ENTREP2: variants seen among roughly 807,000 people sequenced by gnomAD.
The protein encoded by ENTREP2 is protein ENTREP2.
chr15:29,236,896 G>A, the ENTREP2 span, among the ~76,000 whole-genome samples: 1 of 151,740 alleles, frequency 6.6e-6, no homozygotes, highest in South Asian at 2.1e-4. Context: ...AGGAAGGAAG[G>A]AAGGAAAGAA....
At chr15:29,177,512 T>C in the ENTREP2 span, among the ~76,000 whole-genome samples, 1 of 152,180 alleles carries the variant, frequency 6.6e-6, no homozygotes, top group Non-Finnish European at 1.5e-5. Context: ...CCTCCTTGCT[T>C]CCTTTCCTTC....
chr15:29,500,803 G>GT, the ENTREP2 span, among the ~76,000 whole-genome samples: 1 of 151,950 alleles, frequency 6.6e-6, no homozygotes, highest in Non-Finnish European at 1.5e-5. Flanking sequence ...CAAAACCAAA[G>GT]TTGGTTCTTT....
chr15:29,281,772 C>T, the ENTREP2 span, among the ~76,000 whole-genome samples: 75 of 152,214 alleles, frequency 4.9e-4, no homozygotes, highest in Non-Finnish European at 1.0e-3. Flanking sequence ...TCCCAGCTGA[C>T]ATCTGTAGAC....
chr15:29,398,886 G>T, the ENTREP2 span, among the ~76,000 whole-genome samples: 2 of 152,086 alleles, frequency 1.3e-5, no homozygotes, highest in Non-Finnish European at 2.9e-5. Context: ...ATTAGGTTAC[G>T]CTGCCTGACA....
the ENTREP2 span, among the ~76,000 whole-genome samples, chr15:29,331,031 C>T: frequency 6.6e-6 from 1 of 152,178 alleles, no homozygotes; most frequent in Admixed American, 6.5e-5. Context: ...GCTGTGTCCC[C>T]ACTATACCCA....
chr15:29,191,370 C>T, the ENTREP2 span, among the ~76,000 whole-genome samples: 6 of 151,922 alleles, frequency 3.9e-5, no homozygotes, highest in African/African-American at 1.5e-4. Context: ...GAAAAGGGAT[C>T]TGAAAAAGAT....
At chr15:29,475,993 C>T in the ENTREP2 span, among the ~76,000 whole-genome samples, 1 of 152,194 alleles carries the variant, frequency 6.6e-6, no homozygotes, top group African/African-American at 2.4e-5. Flanking sequence ...AAGATGATTG[C>T]ATTTGGGGAA....
At chr15:29,463,723 T>C in the ENTREP2 span, among the ~76,000 whole-genome samples, 8 of 152,202 alleles carry the variant, frequency 5.3e-5, no homozygotes, top group Non-Finnish European at 1.2e-4. Flanking sequence ...CCTAAATAAC[T>C]GAAAGCAGGA....
the ENTREP2 span, among the ~76,000 whole-genome samples, chr15:29,150,636 T>C: frequency 1.6e-3 from 238 of 152,320 alleles, 1 homozygote; most frequent in African/African-American, 5.2e-3. Context: ...AAGGGCAGCC[T>C]GGCTGTGACA....
At chr15:29,260,888 T>C in the ENTREP2 span, among the ~76,000 whole-genome samples, 1 of 151,852 alleles carries the variant, frequency 6.6e-6, no homozygotes, top group Non-Finnish European at 1.5e-5. Context: ...ATAAAGAGAG[T>C]CTAAAAGCAA....
At chr15:29,499,765 T>C in the ENTREP2 span, among the ~76,000 whole-genome samples, 1 of 152,150 alleles carries the variant, frequency 6.6e-6, no homozygotes, top group African/African-American at 2.4e-5. Context: ...TAATTACATA[T>C]TGTGTAAATG....
chr15:29,241,707 A>G, the ENTREP2 span, among the ~76,000 whole-genome samples: 1 of 152,234 alleles, frequency 6.6e-6, no homozygotes. Flanking sequence ...TACAGTAAGA[A>G]AAGTATGATG....
the ENTREP2 span, among the ~76,000 whole-genome samples, chr15:29,224,226 G>C: frequency 6.6e-6 from 1 of 152,070 alleles, no homozygotes; most frequent in Non-Finnish European, 1.5e-5. Context: ...GGAGTTGTTC[G>C]TTCCTCCCGG....
chr15:29,670,355 A>C, the ENTREP2 span, among the ~76,000 whole-genome samples: 3 of 152,204 alleles, frequency 2.0e-5, no homozygotes. Flanking sequence ...GGTCTCGCCC[A>C]GAACAGTGGT....
At chr15:29,176,139 A>C in the ENTREP2 span, among the ~76,000 whole-genome samples, 1 of 150,570 alleles carries the variant, frequency 6.6e-6, no homozygotes, top group Non-Finnish European at 1.5e-5. Flanking sequence ...GTTAATGTTC[A>C]TAACCAGAAG....
At chr15:29,161,185 C>T in the ENTREP2 span, among the ~76,000 whole-genome samples, 1 of 152,182 alleles carries the variant, frequency 6.6e-6, no homozygotes, top group Admixed American at 6.5e-5. Context: ...CTGCTCTTTA[C>T]CTGACCCATT....
the ENTREP2 span, among the ~76,000 whole-genome samples, chr15:29,365,986 T>C: frequency 4.6e-5 from 7 of 152,192 alleles, no homozygotes; most frequent in East Asian, 1.3e-3. Flanking sequence ...CTAACAGCCA[T>C]TGACATGGAC....
chr15:29,335,794 G>C, the ENTREP2 span, among the ~76,000 whole-genome samples: 1 of 152,202 alleles, frequency 6.6e-6, no homozygotes, highest in African/African-American at 2.4e-5. Context: ...AACTTCTGTT[G>C]GTTGTCTGTA....
At chr15:29,616,375 G>A in the ENTREP2 span, among the ~76,000 whole-genome samples, 4 of 152,240 alleles carry the variant, frequency 2.6e-5, no homozygotes, top group East Asian at 7.8e-4. Flanking sequence ...GACAGACCCG[G>A]TCAGGGCTGA....
Sources: gnomAD v4.1 joint callset for allele counts (sites outside exome capture counted in the v4.1 genomes callset) on GRCh38, gnomAD v4.1.1 for gene constraint, MANE v1.5 for transcripts, NCBI Gene and HGNC (gene_info 2026-07-23, HGNC 2026-07-21) for gene names.